CLVS1: variants seen among roughly 807,000 people sequenced by gnomAD.
CLVS1 encodes clavesin 1.
Under a neutral mutation model 33.1 loss-of-function variants are expected in CLVS1, and 10 were observed. The ratio of observed to expected loss-of-function variants is 0.30; its 90% CI spans 0.19 to 0.51. CLVS1 has a LOEUF of 0.51. CLVS1 is among the 20% of genes least tolerant of loss of function. The pLI is 0.97. For missense variants in CLVS1, 343 were observed against 433.4 expected, an observed-to-expected ratio of 0.79 and a Z score of 1.85; for synonymous variants, 163 against 166.1, an observed-to-expected ratio of 0.98 and a Z score of 0.14.
chr8:61,243,460 C>G (rs1808738694), intron 2 of CLVS1, among the ~76,000 whole-genome samples: 1 of 152,176 alleles, frequency 6.6e-6, no homozygotes, highest in Non-Finnish European at 1.5e-5. Context: ...GGCTCCCCAT[C>G]TGGTTTCTCC....
intron 5 of CLVS1, among the ~76,000 whole-genome samples, chr8:61,475,245 C>T (rs1386967404): frequency 4.6e-5 from 7 of 152,074 alleles, no homozygotes; most frequent in Non-Finnish European, 5.9e-5. Context: ...TGAATAGTGC[C>T]GCAATAAACA....
At chr8:61,050,546 T>C in the CLVS1 span, among the ~76,000 whole-genome samples, 1 of 152,246 alleles carries the variant, frequency 6.6e-6, no homozygotes, top group Non-Finnish European at 1.5e-5. Context: ...CTCTTGTCTC[T>C]GGTCCCTCGG....
intron 3 of CLVS1, among the ~76,000 whole-genome samples, chr8:61,427,464 G>A (rs1195305672): frequency 6.6e-6 from 1 of 152,178 alleles, no homozygotes; most frequent in Admixed American, 6.5e-5. Flanking sequence ...GAGAGGATGG[G>A]GAGGGGAAAC....
chr8:61,100,673 G>A (rs541102654), intron 1 of CLVS1, among the ~76,000 whole-genome samples: 2 of 151,954 alleles, frequency 1.3e-5, no homozygotes, highest in Admixed American at 6.6e-5. Flanking sequence ...GAACATTTTC[G>A]TCACCCCAAG....
intron 1 of CLVS1, among the ~76,000 whole-genome samples, chr8:61,298,334 C>G (rs577701328): frequency 6.6e-6 from 1 of 152,204 alleles, no homozygotes; most frequent in South Asian, 2.1e-4. Context: ...TCTTAGAGAA[C>G]ATCACAGAGA....
intron 2 of CLVS1, among the ~76,000 whole-genome samples, chr8:61,273,525 G>C (rs1809496083): frequency 6.6e-6 from 1 of 152,248 alleles, no homozygotes; most frequent in South Asian, 2.1e-4. Context: ...CCGCCCAGTT[G>C]GAGCTTCCCA....
chr8:60,970,893 G>A, the CLVS1 span, among the ~76,000 whole-genome samples: 2 of 151,902 alleles, frequency 1.3e-5, no homozygotes, highest in African/African-American at 4.8e-5. Flanking sequence ...GTCTGCACTG[G>A]TCTTCTAATT....
At chr8:61,189,349 G>T (rs889628436) in intron 2 of CLVS1, among the ~76,000 whole-genome samples, 20 of 152,128 alleles carry the variant, frequency 1.3e-4, no homozygotes, top group African/African-American at 4.8e-4. Context: ...CACCAGGCCT[G>T]CTCTACAAGA....
At chr8:61,085,728 CAAAA>C (rs57456582) in intron 1 of CLVS1, among the ~76,000 whole-genome samples, 1 of 115,096 alleles carries the variant, frequency 8.7e-6, no homozygotes, top group Non-Finnish European at 1.9e-5. Context: ...CCATCCCTAC[CAAAA>C]AAAAAAAAAA....
At position 61,391,914 on chromosome 8, in the gene CLVS1, A is replaced by G. The variant is rs184911976; in HGVS notation, c.630+15135A>G. 1.5e-3 allele frequency among the ~76,000 whole-genome samples: 235 copies of G among 152,358 alleles called. 1 individual carries two copies. Among genetic ancestry groups the G allele is most frequent in the Non-Finnish European group, 2.5e-3 (173 of 68,038 alleles). ...AATGACATCTTGATAGAGCTAAAAC[A>G]TGAAATATCCTGCAATTCTTTTCTC... On this transcript the variant is annotated intron_variant, in intron 3 of 5. Coordinates refer to ENST00000325897, the MANE Select transcript of CLVS1 (RefSeq NM_173519.3).
chr8:61,488,453 C>A (rs1294808114), intron 5 of CLVS1, among the ~76,000 whole-genome samples: 1 of 152,108 alleles, frequency 6.6e-6, no homozygotes, highest in Non-Finnish European at 1.5e-5. Flanking sequence ...TATAAATAAT[C>A]CACTGCTCCA....
At chr8:61,088,808 C>CTT (rs557957060) in intron 1 of CLVS1, among the ~76,000 whole-genome samples, 2 of 141,792 alleles carry the variant, frequency 1.4e-5, no homozygotes, top group African/African-American at 5.1e-5. Flanking sequence ...TTTTCTTTTT[C>CTT]TTTTTTTTTT....
intron 2 of CLVS1, among the ~76,000 whole-genome samples, chr8:61,348,480 TAAAA>T (rs997984192): frequency 6.6e-6 from 1 of 152,082 alleles, no homozygotes. Context: ...TAAAGTATAA[TAAAA>T]AATAATAATA....
chr8:61,031,705 G>A, the CLVS1 span, among the ~76,000 whole-genome samples: 12 of 152,166 alleles, frequency 7.9e-5, no homozygotes, highest in African/African-American at 2.2e-4. Context: ...GTGTAGTAGC[G>A]TGAGTGGCAT....
intron 3 of CLVS1, among the ~76,000 whole-genome samples, chr8:61,419,396 C>CAAAAA (rs10635998): frequency 7.1e-5 from 5 of 70,310 alleles, no homozygotes; most frequent in African/African-American, 2.2e-4. Flanking sequence ...GACTCCGTCT[C>CAAAAA]AAAAAAAAAA....
At chr8:60,991,000 C>G in the CLVS1 span, among the ~76,000 whole-genome samples, 2 of 152,132 alleles carry the variant, frequency 1.3e-5, no homozygotes, top group Admixed American at 6.5e-5. Context: ...CATGAGCCAA[C>G]GTGCCCAACT....
the CLVS1 span, chr8:60,965,208 A>G: frequency 6.6e-6 from 1 of 152,148 alleles, no homozygotes; most frequent in Middle Eastern, 3.2e-3. Flanking sequence ...TTAGGTTTCC[A>G]AACTCCTTGT....
chr8:61,343,280 G>A (rs948376918), intron 2 of CLVS1, among the ~76,000 whole-genome samples: 1 of 152,148 alleles, frequency 6.6e-6, no homozygotes, highest in Non-Finnish European at 1.5e-5. Flanking sequence ...GATGTTTATT[G>A]GCTGAAGTTC....
chr8:61,134,503 TTTATAAAG>T (rs1806156948), intron 2 of CLVS1, among the ~76,000 whole-genome samples: 1 of 152,230 alleles, frequency 6.6e-6, no homozygotes, highest in Non-Finnish European at 1.5e-5. Context: ...AATGTCAGTG[TTTATAAAG>T]TTGCATTGGA....
Sources: allele counts gnomAD v4.1 joint callset (sites outside exome capture counted in the v4.1 genomes callset), GRCh38; gene constraint gnomAD v4.1.1; transcripts MANE v1.5; gene names NCBI Gene and HGNC (gene_info 2026-07-23, HGNC 2026-07-21).